PRP4K: variants seen among roughly 807,000 people sequenced by gnomAD.
The protein encoded by PRP4K is pre-mRNA processing factor kinase PRP4K, also known as serine/threonine-protein kinase PRP4 homolog.
the PRP4K span, among the ~76,000 whole-genome samples, chr6:4,054,003 A>G: frequency 6.6e-6 from 1 of 151,756 alleles, no homozygotes; most frequent in Non-Finnish European, 1.5e-5. Context: ...TCCAACTCCT[A>G]AGCCCAAGCA....
the PRP4K span, chr6:4,061,550 T>C: frequency 6.6e-6 from 1 of 152,664 alleles, no homozygotes; most frequent in African/African-American, 2.4e-5. Context: ...AATGAAATTT[T>C]TAACTATTTG....
the PRP4K span, among the ~76,000 whole-genome samples, chr6:4,054,669 G>C: frequency 6.6e-6 from 1 of 152,164 alleles, no homozygotes; most frequent in African/African-American, 2.4e-5. Flanking sequence ...ACCACGCCCA[G>C]CTAATTTTTG....
chr6:4,063,739 T>A, the PRP4K span: 2 of 152,142 alleles, frequency 1.3e-5, no homozygotes, highest in Non-Finnish European at 2.9e-5. Flanking sequence ...ACTCTGTAAT[T>A]TTGCTGAGGT....
the PRP4K span, among the ~76,000 whole-genome samples, chr6:4,036,716 A>G: frequency 6.6e-6 from 1 of 152,154 alleles, no homozygotes; most frequent in South Asian, 2.1e-4. Flanking sequence ...TTGCCCGGGC[A>G]TGGTGGGTCA....
chr6:4,043,040 G>A, the PRP4K span, among the ~76,000 whole-genome samples: 1 of 152,186 alleles, frequency 6.6e-6, no homozygotes, highest in Non-Finnish European at 1.5e-5. Context: ...AGAAGATTGG[G>A]TGGGGAAAGA....
the PRP4K span, chr6:4,032,872 T>G: frequency 1.7e-6 from 2 of 1,143,036 alleles, no homozygotes; most frequent in Non-Finnish European, 2.3e-6. Context: ...ATAAATGAAG[T>G]AGTAATGAGT....
At chr6:4,052,672 G>A in the PRP4K span, 6 of 1,392,390 alleles carry the variant, frequency 4.3e-6, no homozygotes, top group South Asian at 6.1e-5. Flanking sequence ...TTTCCATTTT[G>A]CATTTTAACT....
At chr6:4,027,607 G>GGGGGGGGGT in the PRP4K span, among the ~76,000 whole-genome samples, 2 of 94,536 alleles carry the variant, frequency 2.1e-5, no homozygotes, top group Admixed American at 1.1e-4. Flanking sequence ...GGGTGGGGGG[G>GGGGGGGGGT]TGGGGTGGGG....
chr6:4,021,361 A>T, the PRP4K span: 8 of 1,549,252 alleles, frequency 5.2e-6, no homozygotes, highest in Non-Finnish European at 7.0e-6. Context: ...TTCTTCCTCC[A>T]CTTCCCCTAC....
At chr6:4,022,367 T>C in the PRP4K span, among the ~76,000 whole-genome samples, 31 of 151,858 alleles carry the variant, frequency 2.0e-4, no homozygotes, top group African/African-American at 7.5e-4. Context: ...AAAGCAGTAT[T>C]TTGCTGTTCA....
the PRP4K span, among the ~76,000 whole-genome samples, chr6:4,029,012 C>CTTTTTTTTTTTTTTTTT: frequency 3.5e-3 from 458 of 132,384 alleles, 26 homozygotes; most frequent in Non-Finnish European, 4.9e-3. Flanking sequence ...TACTTGGAAT[C>CTTTTTTTTTTTTTTTTT]TTTTTTTTTT....
At chr6:4,038,529 A>G in the PRP4K span, among the ~76,000 whole-genome samples, 1 of 151,798 alleles carries the variant, frequency 6.6e-6, no homozygotes. Context: ...CTGACCCCAA[A>G]TGATCCGCTC....
At chr6:4,049,993 C>A in the PRP4K span, 3 of 1,190,190 alleles carry the variant, frequency 2.5e-6, no homozygotes, top group Non-Finnish European at 3.4e-6. Flanking sequence ...ACAAGTATTG[C>A]AATTATAAAG....
chr6:4,021,486 G>A, the PRP4K span: 3 of 1,574,444 alleles, frequency 1.9e-6, no homozygotes, highest in South Asian at 3.5e-5. Context: ...CTCTGTGAGT[G>A]GGCCAGAAGC....
At chr6:4,041,089 C>CA in the PRP4K span, among the ~76,000 whole-genome samples, 1 of 152,144 alleles carries the variant, frequency 6.6e-6, no homozygotes, top group Non-Finnish European at 1.5e-5. Context: ...TAGGTTGTAT[C>CA]ACAGAGTTAG....
the PRP4K span, chr6:4,037,653 A>G: frequency 2.2e-6 from 3 of 1,337,664 alleles, no homozygotes; most frequent in Non-Finnish European, 3.0e-6. Context: ...GTTTTCTTTT[A>G]GACCAGTTTT....
chr6:4,058,292 A>T, the PRP4K span, among the ~76,000 whole-genome samples: 2 of 152,242 alleles, frequency 1.3e-5, no homozygotes, highest in African/African-American at 4.8e-5. Context: ...TTACATAAAA[A>T]TGAGCTATGT....
At chr6:4,035,517 C>T in the PRP4K span, among the ~76,000 whole-genome samples, 1 of 151,984 alleles carries the variant, frequency 6.6e-6, no homozygotes, top group Non-Finnish European at 1.5e-5. Flanking sequence ...AGAGTTTCCT[C>T]AGATGGCCCT....
chr6:4,055,649 C>T, the PRP4K span, among the ~76,000 whole-genome samples: 2 of 152,156 alleles, frequency 1.3e-5, no homozygotes, highest in African/African-American at 2.4e-5. Flanking sequence ...CAACTCCAGC[C>T]TTTCTCAGCA....
Sources: gnomAD v4.1 joint callset for allele counts (sites outside exome capture counted in the v4.1 genomes callset) on GRCh38, gnomAD v4.1.1 for gene constraint, MANE v1.5 for transcripts, NCBI Gene and HGNC (gene_info 2026-07-23, HGNC 2026-07-21) for gene names.